Variants in IFNLR1 observed in about 807,000 individuals in gnomAD.
The protein encoded by IFNLR1 is interferon lambda receptor 1.
IFNLR1 carries 28 observed loss-of-function variants against 52.5 expected under a neutral mutation model. The observed-to-expected ratio is 0.53, with a 90% CI of 0.40 to 0.73. The LOEUF (loss-of-function observed/expected upper bound fraction) is 0.73, where lower values mean the gene tolerates loss of function less well. Ranked by LOEUF, IFNLR1 falls within the 30% of genes least tolerant of loss-of-function variation. The pLI is 0.00. For synonymous variants in IFNLR1, 276 were observed against 274.9 expected (o/e 1.00, Z -0.04); for missense variants, 623 against 659.1 (o/e 0.95, Z 0.60).
chr1:24,159,408 CA>C, intron 5 of IFNLR1, 65 bp downstream of exon 5: 1 of 1,469,756 alleles, frequency 6.8e-7, no homozygotes, highest in Non-Finnish European at 9.5e-7. Context: ...TGTTCTTAAC[CA>C]CTGTGTCACG....
rs748288094 is a variant in IFNLR1, at chr1:24,159,202, A to T, written c.671-20T>A. ...TGGCTTCTAAGGAAGGAAAAATAAC[A>T]ATGAGAGAAACAACAATGGCTCTTG... is the stretch of plus-strand genomic sequence containing the variant. On this transcript the variant is annotated intron_variant, in intron 5 of 6. Transcript: ENST00000327535. 2 of 1,613,700 alleles carry T rather than the reference A, an allele frequency of 1.2e-6. No homozygotes were observed. The highest frequency in any genetic ancestry group is 1.7e-6 in the Non-Finnish European group (2 of 1,179,730).
At chr1:24,158,464 C>T (rs757348152) in intron 6 of IFNLR1, among the ~76,000 whole-genome samples, 4 of 152,176 alleles carry the variant, frequency 2.6e-5, no homozygotes, top group South Asian at 2.1e-4. Flanking sequence ...CACCCTGCCA[C>T]GATGCAGGGA....
At chr1:24,169,960 G>A (rs968327120) in intron 2 of IFNLR1, among the ~76,000 whole-genome samples, 9 of 152,290 alleles carry the variant, frequency 5.9e-5, no homozygotes, top group East Asian at 3.9e-4. Context: ...TCATTCAGGC[G>A]TTTATGGGCC....
At position 24,169,508 on chromosome 1, in the gene IFNLR1, C is replaced by T; in HGVS notation, c.276G>A (p.Leu92=). Residue 92 remains leucine (L), a synonymous_variant, in exon 3 of 7, where the codon CTG becomes CTA. Transcript: ENST00000327535. Reference sequence around the variant, plus strand: ...GCACGCGTCCCTTGAACTTGTTGTACAGGTCCTGTTTCTTCAGGCACATCA... The same window carrying T: ...GCACGCGTCCCTTGAACTTGTTGTATAGGTCCTGTTTCTTCAGGCACATCA... The part of the protein sequence containing the change: ...CSMMCLKKQD[L]YNKFKGRVRT... The T allele has an allele frequency of 6.2e-7, 1 of 1,614,210 alleles. No homozygotes were observed. Among genetic ancestry groups the T allele is most frequent in the African/African-American group, 1.3e-5 (1 of 75,058 alleles).
intron 6 of IFNLR1, among the ~76,000 whole-genome samples, chr1:24,158,764 G>A (rs1239720684): frequency 6.6e-6 from 1 of 152,158 alleles, no homozygotes; most frequent in Non-Finnish European, 1.5e-5. Flanking sequence ...TCTCTCCTGA[G>A]GTCCAAGGCC....
At chr1:24,168,181 C>T (rs553095648) in intron 3 of IFNLR1, among the ~76,000 whole-genome samples, 1 of 152,138 alleles carries the variant, frequency 6.6e-6, no homozygotes, top group South Asian at 2.1e-4. Flanking sequence ...CCCCTCCATC[C>T]TCCCTTTCTT....
rs117433781 is a variant in IFNLR1, at chr1:24,168,774, C to T, written c.367+643G>A. On this transcript the variant is annotated intron_variant, in intron 3 of 6. Coordinates refer to ENST00000327535, the MANE Select transcript of IFNLR1 (RefSeq NM_170743.4). ...GTTTATTAATTTTTTTCTTTTGAGA[C>T]GCTCTGTCGCCCAGGCTGGAGTGCA... Among the ~76,000 whole-genome samples the T allele has an allele frequency of 7.7e-3, 1,165 of 151,746 alleles. 37 individuals carry two copies. Among genetic ancestry groups the T allele is most frequent in the Admixed American group, 0.049 (742 of 15,248 alleles).
rs771124770 is a variant in IFNLR1 at position 24,159,535 on chromosome 1, C to T, written c.609G>A (p.Thr203=). The change falls in exon 5 of 7, where the codon ACG becomes ACA. Residue 203 remains threonine (T), a synonymous_variant. Coordinates refer to ENST00000327535, the MANE Select transcript of IFNLR1 (RefSeq NM_170743.4). ...HHCLSARTIY[T]FSVPKYSKFS... is the part of the protein sequence containing the mutation. The stretch of plus-strand genomic sequence containing the variant: ...ACTTGCTGTATTTCGGGACACTGAA[C>T]GTGTAGATGGTTCTGGCACTGAGGC... 39 of 1,613,918 alleles carry T rather than the reference C, an allele frequency of 2.4e-5. No individual in the cohort carries two copies. The highest frequency in any genetic ancestry group is 1.6e-4 in the Middle Eastern group (1 of 6,084).
chr1:24,187,137 G>C, intron 1 of IFNLR1, 54 bp downstream of exon 1: 4 of 1,210,258 alleles, frequency 3.3e-6, no homozygotes, highest in Non-Finnish European at 4.4e-6. Flanking sequence ...GGGTAGGCGC[G>C]GCCCGGCCCG....
intron 3 of IFNLR1, among the ~76,000 whole-genome samples, chr1:24,165,682 C>T (rs1644511994): frequency 6.6e-6 from 1 of 152,238 alleles, no homozygotes; most frequent in Non-Finnish European, 1.5e-5. Flanking sequence ...CAGCAGGGAT[C>T]TCTGACCACA....
At chr1:24,174,709 C>A (rs1644614989) in intron 2 of IFNLR1, among the ~76,000 whole-genome samples, 1 of 152,156 alleles carries the variant, frequency 6.6e-6, no homozygotes, top group South Asian at 2.1e-4. Context: ...AACTTGGATG[C>A]TTAGCAGAAG....
Position 24,156,528 on chromosome 1 carries a change from T to A in IFNLR1, c.*602A>T, listed in dbSNP as rs1644380172. The A allele has an allele frequency of 6.6e-6, 1 of 152,366 alleles. No homozygotes were observed. Among genetic ancestry groups the A allele is most frequent in the Admixed American group, 6.5e-5 (1 of 15,288 alleles). The allele number at this position is 152,366 out of a possible 1,614,324, so 9.4% of individuals were successfully genotyped here. On this transcript the variant is annotated 3_prime_UTR_variant, in exon 7 of 7. Transcript: ENST00000327535. ...AGCAGAGCTGGGATTTGAACCCCGG[T>A]CTGTCTGACACTAAAACCGTACAGT...
At chr1:24,180,676 G>T in intron 2 of IFNLR1, 55 bp downstream of exon 2, 2 of 455,862 alleles carry the variant, frequency 4.4e-6, no homozygotes, top group Non-Finnish European at 4.3e-6. Context: ...AGCCCCTCCA[G>T]CCCCCACCCA....
At chr1:24,176,260 A>G (rs1237398349) in intron 2 of IFNLR1, among the ~76,000 whole-genome samples, 2 of 152,210 alleles carry the variant, frequency 1.3e-5, no homozygotes. Flanking sequence ...ATACACATCC[A>G]TTTATATGAA....
At chr1:24,160,105 A>G (rs1032110048) in intron 4 of IFNLR1, among the ~76,000 whole-genome samples, 2 of 152,156 alleles carry the variant, frequency 1.3e-5, no homozygotes, top group Non-Finnish European at 2.9e-5. Context: ...AGGGATAGCC[A>G]TGGTTCAAAA....
intron 2 of IFNLR1, among the ~76,000 whole-genome samples, chr1:24,175,757 A>G (rs1397563312): frequency 6.6e-6 from 1 of 151,884 alleles, no homozygotes; most frequent in East Asian, 1.9e-4. Context: ...ACACGGTGAA[A>G]CCCCATTTCT....
chr1:24,180,563 C>T (rs539579675), intron 2 of IFNLR1, among the ~76,000 whole-genome samples, 168 bp downstream of exon 2: 1 of 152,276 alleles, frequency 6.6e-6, no homozygotes, highest in East Asian at 1.9e-4. Flanking sequence ...CACCTCCAGA[C>T]CTTTATCAAA....
At chr1:24,162,796 CTTTCTTTTTT>C (rs1644466344) in intron 3 of IFNLR1, among the ~76,000 whole-genome samples, 3 of 78,830 alleles carry the variant, frequency 3.8e-5, no homozygotes, top group Admixed American at 2.9e-4. Flanking sequence ...CTTTTTCTTT[CTTTCTTTTTT>C]CTTTCTTTTT....
chr1:24,162,882 TC>T (rs2148590103), intron 3 of IFNLR1, among the ~76,000 whole-genome samples: 1 of 64,308 alleles, frequency 1.6e-5, no homozygotes, highest in East Asian at 8.3e-4. Context: ...TTTCTTTCCT[TC>T]CTTCCTTCCT....
Sources: allele counts gnomAD v4.1 joint callset (sites outside exome capture counted in the v4.1 genomes callset), GRCh38; gene constraint gnomAD v4.1.1; transcripts MANE v1.5; gene names NCBI Gene and HGNC (gene_info 2026-07-23, HGNC 2026-07-21).